The following FBXL2 variants were observed in gnomAD, a reference collection of about 807,000 sequenced individuals.
The protein encoded by FBXL2 is F-box and leucine rich repeat protein 2, also known as F-box/LRR-repeat protein 2.
A neutral mutation model predicts 69.2 loss-of-function variants in FBXL2; 38 were observed. The observed-to-expected ratio is 0.55, with a 90% CI of 0.42 to 0.72. The LOEUF is 0.72. Among genes scored for constraint, FBXL2 ranks in the 30% least tolerant of loss-of-function variants. The pLI, the probability that FBXL2 is intolerant of heterozygous loss-of-function variation, is 0.00. For missense variants in FBXL2, 354 were observed against 520.3 expected (o/e 0.68, Z 3.11); for synonymous variants, 192 against 201.3 (o/e 0.95, Z 0.39).
rs749220594 is a variant in FBXL2 at position 33,297,759 on chromosome 3, G to T, written c.65+34G>T. On this transcript the variant is annotated intron_variant, in intron 2 of 14. Transcript: ENST00000484457. ...AGATAAATTCTGGATGAAGAGTTTA[G>T]ATCTGATTTAGTCATCAAGTTCCAA... is the stretch of plus-strand genomic sequence containing the variant. The T allele has an allele frequency of 3.2e-5, 40 of 1,254,886 alleles. No individual in the cohort carries two copies. The Middle Eastern group carries it at 5.6e-4, about 18-fold the overall frequency. The allele number at this position is 1,254,886 out of a possible 1,614,324, so 77.7% of individuals were successfully genotyped here.
chr3:33,414,499 T>C, the FBXL2 span, among the ~76,000 whole-genome samples: 1 of 152,134 alleles, frequency 6.6e-6, no homozygotes, highest in East Asian at 1.9e-4. Flanking sequence ...GTTCAGCACA[T>C]TCAAGAAGTT....
In FBXL2 at chr3:33,290,449, G is replaced by A. The variant is rs552629922; in HGVS notation, c.4-7215G>A. ...TGATCCATGGTCAGGGGAAGAAAGA[G>A]GCAACAGAAGCAGTCTCAGTGATGG... is the stretch of plus-strand genomic sequence containing the variant. On this transcript the variant is annotated intron_variant, in intron 1 of 14. Coordinates refer to ENST00000484457, the MANE Select transcript of FBXL2 (RefSeq NM_012157.5). Among the ~76,000 whole-genome samples, 6 of 152,294 alleles carry A rather than the reference G, an allele frequency of 3.9e-5. No individual in the cohort carries two copies. In the South Asian group the frequency reaches 1.0e-3, roughly 26 times the overall value.
intron 1 of FBXL2, among the ~76,000 whole-genome samples, chr3:33,284,160 C>G (rs1361525743): frequency 6.6e-6 from 1 of 152,192 alleles, no homozygotes; most frequent in African/African-American, 2.4e-5. Flanking sequence ...AATTTTAGAT[C>G]TTTTCTGCTT....
intron 4 of FBXL2, among the ~76,000 whole-genome samples, chr3:33,361,222 G>A (rs2041606444): frequency 2.0e-5 from 3 of 151,604 alleles, no homozygotes; most frequent in Admixed American, 6.6e-5. Context: ...TTTAAAGTCA[G>A]GCTGGGTGCA....
chr3:33,418,773 CG>C, the FBXL2 span, among the ~76,000 whole-genome samples: 3 of 149,540 alleles, frequency 2.0e-5, no homozygotes, highest in African/African-American at 7.4e-5. Flanking sequence ...GCAGAAGAAT[CG>C]CTTGAACCTG....
At chr3:33,368,416 T>C (rs988610217) in intron 5 of FBXL2, among the ~76,000 whole-genome samples, 2 of 152,234 alleles carry the variant, frequency 1.3e-5, no homozygotes, top group Admixed American at 6.5e-5. Context: ...GCTATGTCTT[T>C]TTCATTGATT....
intron 2 of FBXL2, 55 bp downstream of exon 2, chr3:33,297,780 T>A (rs2035874201): frequency 9.9e-7 from 1 of 1,005,296 alleles, no homozygotes; most frequent in Non-Finnish European, 1.5e-6. Flanking sequence ...GTCATCAAGT[T>A]CCAAGACTAT....
intron 1 of FBXL2, among the ~76,000 whole-genome samples, chr3:33,289,195 C>G (rs953252357): frequency 6.6e-6 from 1 of 152,044 alleles, no homozygotes; most frequent in African/African-American, 2.4e-5. Context: ...TTCCCAGAGT[C>G]AAACAGCCTA....
chr3:33,421,397 C>T, the FBXL2 span, among the ~76,000 whole-genome samples: 24 of 152,282 alleles, frequency 1.6e-4, no homozygotes, highest in African/African-American at 4.6e-4. Flanking sequence ...CTCAGCCTCC[C>T]GAGTAGCTGG....
chr3:33,359,046 A>G (rs2041421545), intron 3 of FBXL2, 25 bp downstream of exon 3: 2 of 1,435,986 alleles, frequency 1.4e-6, no homozygotes, highest in Non-Finnish European at 1.9e-6. Flanking sequence ...AGATTTTTTA[A>G]TCAATAAATA....
chr3:33,320,952 A>G (rs1288439085), intron 2 of FBXL2, among the ~76,000 whole-genome samples: 1 of 152,178 alleles, frequency 6.6e-6, no homozygotes, highest in African/African-American at 2.4e-5. Context: ...TATTCTTAGT[A>G]TCCAGAATTT....
intron 2 of FBXL2, among the ~76,000 whole-genome samples, chr3:33,354,128 C>G (rs1403446086): frequency 6.6e-6 from 1 of 151,968 alleles, no homozygotes; most frequent in African/African-American, 2.4e-5. Context: ...ATGTACCACA[C>G]TAATACAACA....
chr3:33,281,113 G>A lies in FBXL2; in HGVS notation c.3+3598G>A, dbSNP rs911339118. On this transcript the variant is annotated intron_variant, in intron 1 of 14. Coordinates refer to ENST00000484457, the MANE Select transcript of FBXL2 (RefSeq NM_012157.5). ...TGTGCACAACGTGCAGGTTTGTTAC[G>A]TATGTATACATGGGCCATGTTGGTG... is the stretch of plus-strand genomic sequence containing the variant. Among the ~76,000 whole-genome samples the A allele has an allele frequency of 6.6e-5, 10 of 152,096 alleles. No homozygotes were observed. The East Asian group carries it at 1.2e-3, about 18-fold the overall frequency.
At chr3:33,416,904 A>G in the FBXL2 span, 1 of 1,313,248 alleles carries the variant, frequency 7.6e-7, no homozygotes, top group Non-Finnish European at 1.1e-6. Context: ...ATAATTCAAA[A>G]TGCATGTTTC....
chr3:33,326,372 A>G (rs1177992629), intron 2 of FBXL2, among the ~76,000 whole-genome samples: 1 of 152,026 alleles, frequency 6.6e-6, no homozygotes, highest in Non-Finnish European at 1.5e-5. Context: ...GCGTGGTGGC[A>G]GGCACCTGTA....
intron 2 of FBXL2, among the ~76,000 whole-genome samples, chr3:33,337,672 A>G (rs1343255015): frequency 6.6e-6 from 1 of 152,192 alleles, no homozygotes; most frequent in East Asian, 1.9e-4. Flanking sequence ...AGGAAGTCAA[A>G]CTATCAGTCT....
downstream of FBXL2, chr3:33,392,016 C>T (rs2043786486): frequency 6.5e-6 from 1 of 153,434 alleles, no homozygotes; most frequent in Non-Finnish European, 1.5e-5. Context: ...TTGCACACAG[C>T]CCCACGTTGC....
At chr3:33,280,667 C>G (rs545560568) in intron 1 of FBXL2, among the ~76,000 whole-genome samples, 1 of 143,248 alleles carries the variant, frequency 7.0e-6, no homozygotes, top group South Asian at 2.2e-4. Context: ...GAATTGTGTT[C>G]ACACCACTGC....
At chr3:33,407,480 A>T (rs987181969), downstream of FBXL2, among the ~76,000 whole-genome samples, 9 of 151,966 alleles carry the variant, frequency 5.9e-5, no homozygotes, top group Non-Finnish European at 1.2e-4. Context: ...TAAAAACAAA[A>T]TTGCTGGGGC....
Sources: gnomAD v4.1 joint callset for allele counts (sites outside exome capture counted in the v4.1 genomes callset) on GRCh38, gnomAD v4.1.1 for gene constraint, MANE v1.5 for transcripts, NCBI Gene and HGNC (gene_info 2026-07-23, HGNC 2026-07-21) for gene names.